Variants in EML4 observed in about 807,000 individuals in gnomAD.
The protein encoded by EML4 is EMAP like 4, also known as echinoderm microtubule-associated protein-like 4.
Under a neutral mutation model 129.0 loss-of-function variants are expected in EML4, and 72 were observed. The observed-to-expected ratio is 0.56, with a 90% CI of 0.46 to 0.68. The LOEUF (loss-of-function observed/expected upper bound fraction) is 0.68. EML4 is among the 30% of genes least tolerant of loss of function. The pLI is 0.00. For missense variants in EML4, 1,363 were observed against 1,190.6 expected (o/e 1.14, Z -2.13); for synonymous variants, 532 against 405.0 (o/e 1.31, Z -3.77).
chr2:42,291,202 G>C (rs1374146687), intron 11 of EML4, among the ~76,000 whole-genome samples: 1 of 152,034 alleles, frequency 6.6e-6, no homozygotes, highest in Non-Finnish European at 1.5e-5. Flanking sequence ...AAATTACCTT[G>C]ACCCCTCCCT....
chr2:42,231,812 C>T (rs950359513), intron 1 of EML4, among the ~76,000 whole-genome samples: 1 of 152,028 alleles, frequency 6.6e-6, no homozygotes, highest in African/African-American at 2.4e-5. Flanking sequence ...AGCCAGGCGT[C>T]ATGGCGGGCA....
rs759599372 is a variant in EML4, at chr2:42,261,210, C to T, written c.428C>T (p.Ala143Val). 7 of 1,613,824 alleles carry T rather than the reference C, an allele frequency of 4.3e-6. No individual in the cohort carries two copies. In the Admixed American group the frequency reaches 1.2e-4, roughly 27 times the overall value. Residue 143 changes from alanine to valine, a missense_variant, in exon 4 of 23, where the codon GCA becomes GTA. Coordinates refer to ENST00000318522, the MANE Select transcript of EML4 (RefSeq NM_019063.5). Reference protein sequence around the residue: ...HSNDQSPQIRASPSPQPSSQP... With the variant: ...HSNDQSPQIRVSPSPQPSSQP... The stretch of plus-strand genomic sequence containing the variant: ...AATGATCAAAGTCCACAAATTCGAG[C>T]ATCACCTTCTCCCCAGCCCTCTTCA...
chr2:42,212,753 C>T (rs992437580), intron 1 of EML4, among the ~76,000 whole-genome samples: 3 of 152,112 alleles, frequency 2.0e-5, no homozygotes, highest in African/African-American at 7.2e-5. Flanking sequence ...AGTGTTTCTC[C>T]CAGGGCACCA....
chr2:42,204,631 T>C (rs1217131512), intron 1 of EML4, among the ~76,000 whole-genome samples: 1 of 152,224 alleles, frequency 6.6e-6, no homozygotes. Flanking sequence ...ATGTAAAAAA[T>C]CATTCTTAGT....
intron 2 of EML4, among the ~76,000 whole-genome samples, chr2:42,255,644 A>T (rs1308388951): frequency 2.0e-5 from 3 of 150,422 alleles, no homozygotes; most frequent in Admixed American, 2.0e-4. Context: ...ACTTATATGT[A>T]AAAAAAAAAT....
At chr2:42,251,679 A>G (rs934245634) in intron 2 of EML4, among the ~76,000 whole-genome samples, 1 of 152,236 alleles carries the variant, frequency 6.6e-6, no homozygotes, top group East Asian at 1.9e-4. Context: ...AGAAGTATGT[A>G]TACAGTTGGA....
chr2:42,306,579 G>A (rs146078798), intron 17 of EML4, among the ~76,000 whole-genome samples: 6 of 135,524 alleles, frequency 4.4e-5, no homozygotes, highest in Non-Finnish European at 9.2e-5. Flanking sequence ...AGCAAGTTCC[G>A]CCTCCTGGGT....
At chr2:42,324,718 G>C (rs913017749) in intron 19 of EML4, among the ~76,000 whole-genome samples, 14 of 152,222 alleles carry the variant, frequency 9.2e-5, no homozygotes, top group African/African-American at 3.4e-4. Context: ...GTCAGCTTTG[G>C]TGAACCATAA....
At chr2:42,314,476 G>A (rs961039621) in intron 17 of EML4, among the ~76,000 whole-genome samples, 2 of 152,152 alleles carry the variant, frequency 1.3e-5, no homozygotes, top group African/African-American at 2.4e-5. Flanking sequence ...ATCTACTCAG[G>A]TAAGAGAAAC....
At chr2:42,282,798 A>G (rs1309097648) in intron 7 of EML4, 25 bp from the exon 8 acceptor site, 2 of 1,602,536 alleles carry the variant, frequency 1.2e-6, no homozygotes, top group Non-Finnish European at 1.7e-6. Flanking sequence ...TGTTTATTTA[A>G]AACCTTGACT....
chr2:42,240,818 G>T (rs550425376), intron 1 of EML4, among the ~76,000 whole-genome samples: 1 of 152,110 alleles, frequency 6.6e-6, no homozygotes, highest in Admixed American at 6.6e-5. Context: ...TAAATTACAC[G>T]TGAAGAAAGC....
chr2:42,235,367 C>T lies in EML4; in HGVS notation c.26-10138C>T, dbSNP rs114284650. 7.8e-3 allele frequency among the ~76,000 whole-genome samples: 905 copies of T among 116,120 alleles called. 7 individuals carry two copies. The highest frequency in any genetic ancestry group is 0.011 in the Non-Finnish European group (590 of 54,684). 76.2% of individuals were successfully genotyped at this position (116,120 alleles called of 152,430 possible). ...CCCAGCTACTCAGGAGGCTAAGGCG[C>T]GAGAATTACTTGAGCAGCCTGGGAG... On this transcript the variant is annotated intron_variant, in intron 1 of 22. Transcript: ENST00000318522.
At chr2:42,263,390 G>C (rs1244308114) in intron 5 of EML4, 84 bp downstream of exon 5, 1 of 504,410 alleles carries the variant, frequency 2.0e-6, no homozygotes, top group Non-Finnish European at 3.2e-6. Flanking sequence ...TGTATGTCTG[G>C]TTTGAATCTT....
At chr2:42,179,041 G>T (rs1670780679) in intron 1 of EML4, among the ~76,000 whole-genome samples, 1 of 152,146 alleles carries the variant, frequency 6.6e-6, no homozygotes, top group Non-Finnish European at 1.5e-5. Flanking sequence ...GTAAGGGGGG[G>T]AAACAGTAAC....
chr2:42,238,384 A>T (rs147444149), intron 1 of EML4, among the ~76,000 whole-genome samples: 2 of 152,182 alleles, frequency 1.3e-5, no homozygotes, highest in African/African-American at 2.4e-5. Context: ...GAGCATTGCT[A>T]TGGATAGGCA....
intron 17 of EML4, among the ~76,000 whole-genome samples, chr2:42,312,190 A>C (rs935447956): frequency 6.6e-6 from 1 of 152,192 alleles, no homozygotes; most frequent in South Asian, 2.1e-4. Flanking sequence ...ACAGCTCACA[A>C]AATTACTAAA....
At chr2:42,180,346 C>T (rs1046423577) in intron 1 of EML4, among the ~76,000 whole-genome samples, 2 of 152,094 alleles carry the variant, frequency 1.3e-5, no homozygotes, top group East Asian at 1.9e-4. Context: ...TTTTGTTTGG[C>T]CCTTTTGAGT....
rs35916382 is a variant in EML4, at chr2:42,278,573, C to CAAA, written c.668-2249_668-2247dup. ...TGGGTGACAGAGCGGGACTCCATCT[C>CAAA]AAAAAAAAAAAAAAAAAAAAAAAAA... On this transcript the variant is annotated intron_variant, in intron 6 of 22. Transcript: ENST00000318522. 9.6e-4 allele frequency among the ~76,000 whole-genome samples: 52 copies of CAAA among 54,282 alleles called. 2 individuals carry two copies. The highest frequency in any genetic ancestry group is 1.2e-3 in the Non-Finnish European group (37 of 31,232). The allele number at this position is 54,282 out of a possible 152,430, so 35.6% of individuals were successfully genotyped here.
intron 1 of EML4, among the ~76,000 whole-genome samples, chr2:42,235,173 G>C (rs1674585705): frequency 6.6e-6 from 1 of 152,036 alleles, no homozygotes; most frequent in Non-Finnish European, 1.5e-5. Context: ...GCAGGTGCTT[G>C]TAATCCCAGC....
Sources: gnomAD v4.1 joint callset for allele counts (sites outside exome capture counted in the v4.1 genomes callset) on GRCh38, gnomAD v4.1.1 for gene constraint, MANE v1.5 for transcripts, NCBI Gene and HGNC (gene_info 2026-07-23, HGNC 2026-07-21) for gene names.